The following OFD1 variants were observed in gnomAD, a reference collection of about 807,000 sequenced individuals.
OFD1 encodes centriole and centriolar satellite protein OFD1.
OFD1 carries 12 observed loss-of-function variants against 81.4 expected under a neutral mutation model. The observed-to-expected ratio is 0.15, with a 90% confidence interval of 0.09 to 0.24. The LOEUF is 0.24. Among genes scored for constraint, OFD1 ranks in the 10% least tolerant of loss-of-function variants. OFD1 has a pLI of 1.00. For synonymous variants in OFD1, 256 were observed against 263.7 expected (o/e 0.97, Z 0.28); for missense variants, 685 against 733.9 (o/e 0.93, Z 0.77).
At chrX:13,724,433 C>A in the OFD1 span, among the ~76,000 whole-genome samples, 1 of 105,949 alleles carries the variant, frequency 9.4e-6, no homozygotes, top group Non-Finnish European at 1.9e-5. Context: ...GCTTTTTAGG[C>A]TACGATCAGG....
chrX:13,727,898 TA>T, the OFD1 span, among the ~76,000 whole-genome samples: 1 of 110,845 alleles, frequency 9.0e-6, no homozygotes, highest in Admixed American at 9.6e-5. Context: ...ATAGATGCAA[TA>T]AAAAATGATA....
At chrX:13,745,051 C>G (rs1316353794) in intron 6 of OFD1, among the ~76,000 whole-genome samples, 2 of 112,119 alleles carry the variant, frequency 1.8e-5, no homozygotes, top group South Asian at 7.4e-4. Flanking sequence ...ACCATCCTGT[C>G]TGTCAGTTTC....
At chrX:13,772,790 G>T, downstream of OFD1, 1 of 876,535 alleles carries the variant, frequency 1.1e-6, no homozygotes, top group Non-Finnish European at 1.6e-6. Flanking sequence ...ATCTACATTA[G>T]TTTGGTGGGA....
At chrX:13,727,977 C>A in the OFD1 span, among the ~76,000 whole-genome samples, 1 of 111,928 alleles carries the variant, frequency 8.9e-6, no homozygotes, top group Non-Finnish European at 1.9e-5. Flanking sequence ...AACACCTCTA[C>A]GCAAATAAAC....
chrX:13,749,807 G>A (rs993849159), intron 9 of OFD1, among the ~76,000 whole-genome samples: 6 of 112,539 alleles, frequency 5.3e-5, no homozygotes, highest in Admixed American at 2.8e-4. Context: ...GGAACAGATC[G>A]TATGTTTTGC....
chrX:13,765,142 T>C (rs1007324367), intron 19 of OFD1, among the ~76,000 whole-genome samples: 2 of 111,498 alleles, frequency 1.8e-5, no homozygotes, highest in African/African-American at 6.5e-5. Context: ...ATTTTAGTTA[T>C]TGAGAAATTG....
chrX:13,742,048 A>T (rs970410210), intron 5 of OFD1, among the ~76,000 whole-genome samples: 2 of 112,192 alleles, frequency 1.8e-5, no homozygotes, highest in Admixed American at 1.9e-4. Context: ...CAAAATTTGG[A>T]TGAGGGAAGA....
chrX:13,742,978 G>A (rs1191144787), intron 5 of OFD1, among the ~76,000 whole-genome samples: 1 of 112,042 alleles, frequency 8.9e-6, no homozygotes, highest in Non-Finnish European at 1.9e-5. Context: ...TGAAGGGAGT[G>A]GGGGTGGGGG....
Position 13,736,084 on chromosome X carries a change from T to C in OFD1, c.112-394T>C. On this transcript the variant is annotated intron_variant, in intron 2 of 22. Transcript: ENST00000340096. ...TATATAGCAGTCCCCTGTTGTTGAA[T>C]ATTTTGGTTATATTCTCCAACAGTC... 3.9e-6 allele frequency: 3 copies of C among 761,792 alleles called. No homozygotes were observed. The South Asian group carries it at 1.6e-4, about 40-fold the overall frequency. The allele number at this position is 761,792 out of a possible 1,213,427, so 62.8% of individuals were successfully genotyped here.
At chrX:13,753,269 C>T (rs1381518233) in intron 10 of OFD1, 99 bp from the exon 11 acceptor site, 1 of 1,189,266 alleles carries the variant, frequency 8.4e-7, no homozygotes, top group Non-Finnish European at 1.1e-6. Context: ...ATGTTTAGCA[C>T]CCTCAGGTGC....
At chrX:13,734,619 G>A, upstream of OFD1, 1 of 811,249 alleles carries the variant, frequency 1.2e-6, no homozygotes, top group Non-Finnish European at 1.5e-6. Context: ...AGCAGTTCTC[G>A]CGATACCCTG....
At chrX:13,738,499 A>T (rs947099512) in intron 3 of OFD1, among the ~76,000 whole-genome samples, 4 of 112,796 alleles carry the variant, frequency 3.5e-5, no homozygotes, top group Non-Finnish European at 7.5e-5. Context: ...AATACTTTTT[A>T]AAAAATTGTA....
At chrX:13,733,937 C>A (rs2046742786), upstream of OFD1, 2 of 499,117 alleles carry the variant, frequency 4.0e-6, no homozygotes, top group African/African-American at 4.7e-5. Context: ...TACAATGTAT[C>A]TTAGTTCTTG....
intron 18 of OFD1, among the ~76,000 whole-genome samples, chrX:13,762,888 C>G (rs189131774): frequency 6.3e-5 from 7 of 111,113 alleles, no homozygotes; most frequent in African/African-American, 2.3e-4. Context: ...CTCAGCCTCC[C>G]GAGTAGCTGG....
chrX:13,732,032 A>G (rs2046686506), upstream of OFD1, among the ~76,000 whole-genome samples: 1 of 112,182 alleles, frequency 8.9e-6, no homozygotes, highest in Non-Finnish European at 1.9e-5. Context: ...GATTAAGAAC[A>G]GTTCATCTAC....
Position 13,753,428 on chromosome X carries a change from A to G in OFD1, c.1116A>G (p.Glu372=). ...GAACTAATCGACTGATTGAAGATGA[A>G]AGGAAGAATAAAGGTGATGTTTGGG... ...IIRTNRLIED[E]RKNKEKAVHL... The change falls in exon 11 of 23, where the codon GAA becomes GAG. Residue 372 remains glutamate (E), a synonymous_variant. Coordinates refer to ENST00000340096, the MANE Select transcript of OFD1 (RefSeq NM_003611.3). 1 of 1,209,982 alleles carries G rather than the reference A, an allele frequency of 8.3e-7. No individual in the cohort carries two copies. Among genetic ancestry groups the G allele is most frequent in the Non-Finnish European group, 1.1e-6 (1 of 894,117 alleles).
chrX:13,734,662 C>T (rs930629073), upstream of OFD1: 7 of 911,206 alleles, frequency 7.7e-6, no homozygotes, highest in Admixed American at 3.4e-4. Context: ...GGCGGAGCTT[C>T]CGGCCGGTGC....
chrX:13,770,018 G>GTAT, downstream of OFD1, among the ~76,000 whole-genome samples: 1 of 111,829 alleles, frequency 8.9e-6, no homozygotes, highest in South Asian at 3.7e-4. Context: ...ATGAATGGGC[G>GTAT]TATTTCCTTT....
intron 3 of OFD1, among the ~76,000 whole-genome samples, chrX:13,736,947 A>G (rs1357457495): frequency 7.1e-5 from 8 of 112,527 alleles, no homozygotes; most frequent in Non-Finnish European, 1.1e-4. Flanking sequence ...TGATCTATCT[A>G]TCCTCTATCT....
Sources: allele counts gnomAD v4.1 joint callset (sites outside exome capture counted in the v4.1 genomes callset), GRCh38; gene constraint gnomAD v4.1.1; transcripts MANE v1.5; gene names NCBI Gene and HGNC (gene_info 2026-07-23, HGNC 2026-07-21).